Variants in CA8 observed in about 807,000 individuals in gnomAD.
CA8 encodes carbonic anhydrase-related protein.
Under a neutral mutation model 41.4 loss-of-function variants are expected in CA8, and 22 were observed. That is an observed-to-expected ratio of 0.53 (90% confidence interval 0.38 to 0.76). The LOEUF (loss-of-function observed/expected upper bound fraction) is 0.76, where lower values mean the gene tolerates loss of function less well. CA8 is among the 30% of genes least tolerant of loss of function. The pLI is 0.00. For missense variants in CA8, 270 were observed against 352.8 expected (o/e 0.77, Z 1.88); for synonymous variants, 121 against 130.6 (o/e 0.93, Z 0.50).
chr8:60,274,953 C>A (rs530732545), intron 2 of CA8, among the ~76,000 whole-genome samples: 2 of 152,198 alleles, frequency 1.3e-5, no homozygotes, highest in East Asian at 3.9e-4. Flanking sequence ...TTAAAAGGAG[C>A]AGTTAAACCT....
intron 3 of CA8, among the ~76,000 whole-genome samples, chr8:60,260,629 T>A (rs1206419077): frequency 1.3e-5 from 2 of 152,256 alleles, no homozygotes; most frequent in Non-Finnish European, 2.9e-5. Context: ...TGGTTTCCTA[T>A]AAATGATCCT....
At chr8:60,221,615 T>A (rs1807254219) in intron 7 of CA8, among the ~76,000 whole-genome samples, 1 of 152,186 alleles carries the variant, frequency 6.6e-6, no homozygotes, top group Non-Finnish European at 1.5e-5. Flanking sequence ...AATAGATGAA[T>A]GACTAAATAT....
chr8:60,231,682 C>T (rs1234476808), intron 4 of CA8, among the ~76,000 whole-genome samples: 2 of 152,134 alleles, frequency 1.3e-5, no homozygotes, highest in Admixed American at 6.5e-5. Flanking sequence ...TTAGAAGATT[C>T]GCCTTAAAAA....
chr8:60,228,615 T>A (rs937386684), intron 4 of CA8, among the ~76,000 whole-genome samples: 2 of 152,192 alleles, frequency 1.3e-5, no homozygotes, highest in Non-Finnish European at 2.9e-5. Context: ...GTAGTTAACC[T>A]CTACATCCTT....
At chr8:60,211,336 T>C (rs911288831) in intron 7 of CA8, among the ~76,000 whole-genome samples, 1 of 152,214 alleles carries the variant, frequency 6.6e-6, no homozygotes, top group Non-Finnish European at 1.5e-5. Context: ...AGAAAGTATT[T>C]ATAATAAACC....
chr8:60,247,263 C>T (rs1808280147), intron 3 of CA8, among the ~76,000 whole-genome samples: 1 of 151,930 alleles, frequency 6.6e-6, no homozygotes, highest in South Asian at 2.1e-4. Flanking sequence ...GCAGAATGTG[C>T]AGGATTGTTA....
At chr8:60,205,075 G>T (rs1329243842) in intron 8 of CA8, among the ~76,000 whole-genome samples, 1 of 152,148 alleles carries the variant, frequency 6.6e-6, no homozygotes, top group East Asian at 1.9e-4. Flanking sequence ...TAACTTCAAA[G>T]ATCCCAAAAG....
At chr8:60,218,283 C>T (rs1276584883) in intron 7 of CA8, among the ~76,000 whole-genome samples, 2 of 151,840 alleles carry the variant, frequency 1.3e-5, no homozygotes, top group East Asian at 1.9e-4. Context: ...CATCCCATAG[C>T]GCTGGACACA....
At chr8:60,268,488 C>A (rs1803968057) in intron 2 of CA8, among the ~76,000 whole-genome samples, 1 of 152,170 alleles carries the variant, frequency 6.6e-6, no homozygotes, top group Non-Finnish European at 1.5e-5. Flanking sequence ...AATATACTCC[C>A]CGCATGACCA....
intron 8 of CA8, among the ~76,000 whole-genome samples, chr8:60,191,449 A>G (rs1022387220): frequency 1.1e-4 from 17 of 152,124 alleles, no homozygotes; most frequent in Admixed American, 3.3e-4. Flanking sequence ...TGTTCCATAA[A>G]AAACAACAAC....
At chr8:60,238,012 A>C (rs1451569640) in intron 3 of CA8, among the ~76,000 whole-genome samples, 2 of 152,184 alleles carry the variant, frequency 1.3e-5, no homozygotes, top group Non-Finnish European at 2.9e-5. Flanking sequence ...CTTCAGGGAA[A>C]ATCTTGGACC....
chr8:60,198,229 GTTTC>G (rs1322382172), intron 8 of CA8, among the ~76,000 whole-genome samples: 1 of 152,074 alleles, frequency 6.6e-6, no homozygotes, highest in Non-Finnish European at 1.5e-5. Context: ...CTCAGCCTCA[GTTTC>G]TTTATCTCTA....
chr8:60,234,297 A>T (rs1360063934), intron 3 of CA8, among the ~76,000 whole-genome samples: 1 of 152,192 alleles, frequency 6.6e-6, no homozygotes, highest in African/African-American at 2.4e-5. Flanking sequence ...AAGAAGCCTA[A>T]GAAGACATGA....
chr8:60,185,677 T>C lies in CA8; in HGVS notation c.*4344A>G, dbSNP rs1805944734. Among the ~76,000 whole-genome samples, 1 of 152,082 alleles carries C rather than the reference T, an allele frequency of 6.6e-6. No individual in the cohort carries two copies. The highest frequency in any genetic ancestry group is 2.4e-5 in the African/African-American group (1 of 41,428). ...AAAACAAAAACAGAAACAGAAACTT[T>C]TCACCAGGAGTTTTATATTTAGCAA... On this transcript the variant is annotated 3_prime_UTR_variant, in exon 9 of 9. Coordinates refer to ENST00000317995, the MANE Select transcript of CA8 (RefSeq NM_004056.6).
intron 8 of CA8, among the ~76,000 whole-genome samples, chr8:60,195,402 T>A (rs1224195237): frequency 6.6e-6 from 1 of 152,220 alleles, no homozygotes; most frequent in Non-Finnish European, 1.5e-5. Context: ...TTCACACACA[T>A]CTTACTCCTC....
intron 2 of CA8, among the ~76,000 whole-genome samples, chr8:60,278,972 T>C (rs1804326266): frequency 6.6e-6 from 1 of 152,226 alleles, no homozygotes; most frequent in Non-Finnish European, 1.5e-5. Context: ...ATGCTACATT[T>C]TTTAAAAATC....
At position 60,281,340 on chromosome 8, in the gene CA8, A is replaced by G. The variant is rs1033245291; in HGVS notation, c.-193T>C. The G allele has an allele frequency of 1.3e-4, 76 of 586,768 alleles. No homozygotes were observed. The Admixed American group carries it at 2.0e-3, about 15-fold the overall frequency. The allele number at this position is 586,768 out of a possible 1,614,324, so 36.3% of individuals were successfully genotyped here. On this transcript the variant is annotated 5_prime_UTR_variant, in exon 1 of 9. Coordinates refer to ENST00000317995, the MANE Select transcript of CA8 (RefSeq NM_004056.6). ...GGCGTGCGTTCGGACCGAGTGTTCC[A>G]GAGACCCGCGTGGGAAGCGCGTCCG...
intron 3 of CA8, among the ~76,000 whole-genome samples, chr8:60,253,609 A>C (rs1808524057): frequency 1.3e-5 from 2 of 152,070 alleles, no homozygotes; most frequent in Admixed American, 1.3e-4. Context: ...CGGTTGCCTC[A>C]TCAAGGTAGC....
At chr8:60,229,006 TGTTCAGATAA>T (rs1807542475) in intron 4 of CA8, among the ~76,000 whole-genome samples, 2 of 152,208 alleles carry the variant, frequency 1.3e-5, no homozygotes, top group Admixed American at 1.3e-4. Flanking sequence ...TGCAAGCAGC[TGTTCAGATAA>T]CACAACCTGG....
Sources: gnomAD v4.1 joint callset for allele counts (sites outside exome capture counted in the v4.1 genomes callset) on GRCh38, gnomAD v4.1.1 for gene constraint, MANE v1.5 for transcripts, NCBI Gene and HGNC (gene_info 2026-07-23, HGNC 2026-07-21) for gene names.